QKI: variants seen among roughly 807,000 people sequenced by gnomAD.
QKI encodes the protein QKI, KH domain containing RNA binding.
QKI carries 10 observed loss-of-function variants against 39.0 expected under a neutral mutation model. The ratio of observed to expected loss-of-function variants is 0.26; its 90% CI spans 0.16 to 0.43. The LOEUF (loss-of-function observed/expected upper bound fraction) is 0.43, where lower values mean the gene tolerates loss of function less well. QKI is among the 20% of genes least tolerant of loss of function. QKI has a pLI of 1.00. For synonymous variants in QKI, 204 were observed against 155.4 expected (o/e 1.31, Z -2.33); for missense variants, 218 against 428.0 (o/e 0.51, Z 4.33).
At chr6:163,452,715 T>C (rs1790662920) in intron 1 of QKI, among the ~76,000 whole-genome samples, 1 of 151,876 alleles carries the variant, frequency 6.6e-6, no homozygotes, top group Non-Finnish European at 1.5e-5. Flanking sequence ...GGACTGTTTG[T>C]TTTATACATT....
intron 3 of QKI, among the ~76,000 whole-genome samples, chr6:163,524,937 A>G (rs1780396503): frequency 2.0e-5 from 3 of 152,170 alleles, no homozygotes; most frequent in African/African-American, 7.2e-5. Context: ...TACTATCTTT[A>G]TGTCTCTTTT....
At chr6:163,557,746 C>CATT (rs1782724477) in intron 4 of QKI, among the ~76,000 whole-genome samples, 1 of 151,546 alleles carries the variant, frequency 6.6e-6, no homozygotes, top group Non-Finnish European at 1.5e-5. Flanking sequence ...GATTAATATG[C>CATT]ATTATATGCC....
At chr6:163,569,440 A>G (rs1017894454) in intron 7 of QKI, 2 of 1,277,212 alleles carry the variant, frequency 1.6e-6, no homozygotes, top group African/African-American at 3.1e-5. Flanking sequence ...TGCCTTAGTC[A>G]CAATGGCAAC....
intron 6 of QKI, chr6:163,565,374 AG>A: frequency 1.0e-6 from 1 of 986,318 alleles, no homozygotes; most frequent in Non-Finnish European, 1.2e-6. Context: ...CTGCTGTTCC[AG>A]CACTTTCAGC....
At chr6:163,420,228 A>G (rs997428871) in intron 1 of QKI, among the ~76,000 whole-genome samples, 13 of 143,176 alleles carry the variant, frequency 9.1e-5, no homozygotes, top group Admixed American at 7.3e-4. Flanking sequence ...TTTTATATCA[A>G]GGGAATTACA....
chr6:163,494,312 A>G (rs1160333597), intron 3 of QKI, among the ~76,000 whole-genome samples: 1 of 152,256 alleles, frequency 6.6e-6, no homozygotes. Context: ...TATATCAGTG[A>G]CTTGAGCACT....
rs200153836 is a variant in QKI at position 163,458,873 on chromosome 6, GA to G, written c.285+3459del. 5.4e-3 allele frequency among the ~76,000 whole-genome samples: 820 copies of G among 151,990 alleles called. 8 individuals are homozygous for G. Among genetic ancestry groups the G allele is most frequent in the African/African-American group, 0.019 (770 of 41,468 alleles). ...CTAGGTAAGAATATTTAATTCTTTT[GA>G]AAAAAACTCTTTGATATAGTAAAGA... On this transcript the variant is annotated intron_variant, in intron 2 of 7. Transcript: ENST00000361752.
intron 4 of QKI, among the ~76,000 whole-genome samples, chr6:163,555,435 A>G (rs6928179): frequency 0.051 from 7,182 of 139,818 alleles, 586 homozygotes; most frequent in African/African-American, 0.17. Context: ...CGCTTGAACC[A>G]GGGAGTTGGA....
intron 3 of QKI, among the ~76,000 whole-genome samples, chr6:163,516,212 T>C (rs550187498): frequency 3.0e-4 from 46 of 152,332 alleles, no homozygotes; most frequent in African/African-American, 1.1e-3. Context: ...ATACATACAT[T>C]GTACCCCTCA....
chr6:163,505,388 A>G (rs193112321), intron 3 of QKI, among the ~76,000 whole-genome samples: 127 of 152,286 alleles, frequency 8.3e-4, no homozygotes, highest in Non-Finnish European at 1.4e-3. Context: ...AGCTTGCACT[A>G]TGTGCCTAGA....
intron 1 of QKI, among the ~76,000 whole-genome samples, chr6:163,424,759 G>C (rs1047310607): frequency 3.3e-5 from 5 of 151,484 alleles, no homozygotes; most frequent in Non-Finnish European, 5.9e-5. Context: ...AGCCTCCCGA[G>C]TAGCTGGGAT....
rs377293969 is a variant in QKI, at chr6:163,415,954, G to A, written c.142+619G>A. On this transcript the variant is annotated intron_variant, in intron 1 of 7. Transcript: ENST00000361752. ...CGTAGGAGACCGAAATTATGCTGGC[G>A]TAGCCGACAAGGAGGACTAAGTGAC... 8.5e-5 allele frequency: 43 copies of A among 505,878 alleles called. No homozygotes were observed. In the Middle Eastern group the frequency reaches 1.6e-3, roughly 19 times the overall value. The allele number at this position is 505,878 out of a possible 1,614,324, so 31.3% of individuals were successfully genotyped here.
In QKI at chr6:163,489,448, GTGTGTGTGT is replaced by G. The variant is rs758942666; in HGVS notation, c.402+10560_402+10568del. Reference sequence around the variant, plus strand: ...GCTGTGTGTGTGTGTGTGTGTGTGTGTGTGTGTGTTGTGTGTAAAAGTCATTACTGTTAT... The same window carrying G: ...GCTGTGTGTGTGTGTGTGTGTGTGTGTGTGTGTAAAAGTCATTACTGTTAT... On this transcript the variant is annotated intron_variant, in intron 3 of 7. Coordinates refer to ENST00000361752, the MANE Select transcript of QKI (RefSeq NM_006775.3). Among the ~76,000 whole-genome samples, 12 of 99,416 alleles carry G rather than the reference GTGTGTGTGT, an allele frequency of 1.2e-4. 2 individuals are homozygous for G. The highest frequency in any genetic ancestry group is 2.9e-4 in the African/African-American group (9 of 30,966). The allele number at this position is 99,416 out of a possible 152,430, so 65.2% of individuals were successfully genotyped here.
intron 4 of QKI, among the ~76,000 whole-genome samples, chr6:163,560,500 G>T (rs1782926228): frequency 6.6e-6 from 1 of 152,134 alleles, no homozygotes; most frequent in Admixed American, 6.5e-5. Context: ...TGGGGATGGG[G>T]ATAGGTAGGA....
intron 4 of QKI, among the ~76,000 whole-genome samples, chr6:163,548,845 G>T (rs1193464797): frequency 6.6e-6 from 1 of 152,184 alleles, no homozygotes. Flanking sequence ...TGTGAAAGGA[G>T]ACCCGGAAGG....
intron 3 of QKI, among the ~76,000 whole-genome samples, chr6:163,532,467 C>A (rs1397932487): frequency 6.6e-6 from 1 of 151,994 alleles, no homozygotes; most frequent in Non-Finnish European, 1.5e-5. Context: ...TTTTTATATT[C>A]CTATAAATAT....
rs1783743846 is a variant in QKI at position 163,572,427 on chromosome 6, C to T, written c.*1717C>T. On this transcript the variant is annotated 3_prime_UTR_variant, in exon 8 of 8. Coordinates refer to ENST00000361752, the MANE Select transcript of QKI (RefSeq NM_006775.3). ...TACCAGATAACTGGTGTAGTGTATC[C>T]TTTTACTGTTTCAATAACCTCTGCC... is the stretch of plus-strand genomic sequence containing the variant. 6.6e-6 allele frequency: 1 copy of T among 152,086 alleles called. No individual in the cohort carries two copies. 9.4% of individuals were successfully genotyped at this position (152,086 alleles called of 1,614,324 possible).
Position 163,566,782 on chromosome 6 carries a change from G to T in QKI, c.996G>T (p.Val332=). The change falls in exon 7 of 8, where the codon GTG becomes GTT. Residue 332 remains valine, a synonymous_variant. Coordinates refer to ENST00000361752, the MANE Select transcript of QKI (RefSeq NM_006775.3). ...GTGTCCATCCTTACCAAAGGATTGT[G>T]ACCGCAGACCGAGGTTAGTTTAGTT... is the stretch of plus-strand genomic sequence containing the variant. ...DMRVHPYQRI[V]TADRAATGN The T allele has an allele frequency of 6.2e-7, 1 of 1,613,698 alleles. No homozygotes were observed. The highest frequency in any genetic ancestry group is 1.1e-5 in the South Asian group (1 of 90,976).
intron 3 of QKI, among the ~76,000 whole-genome samples, chr6:163,519,229 A>C (rs1780005196): frequency 6.6e-6 from 1 of 152,170 alleles, no homozygotes; most frequent in Non-Finnish European, 1.5e-5. Context: ...CAGGAATCCT[A>C]ACCTTCAGTA....
Sources: allele counts gnomAD v4.1 joint callset (sites outside exome capture counted in the v4.1 genomes callset), GRCh38; gene constraint gnomAD v4.1.1; transcripts MANE v1.5; gene names NCBI Gene and HGNC (gene_info 2026-07-23, HGNC 2026-07-21).